The following OTOGL variants were observed in gnomAD, a reference collection of about 807,000 sequenced individuals.
OTOGL encodes otogelin like, also known as otogelin-like protein.
Under a neutral mutation model 318.5 loss-of-function variants are expected in OTOGL, and 285 were observed. The observed-to-expected ratio is 0.89, with a 90% CI of 0.81 to 0.99. The LOEUF is 0.99. OTOGL is among the 50% of genes least tolerant of loss of function. The pLI, the probability that OTOGL is intolerant of heterozygous loss-of-function variation, is 0.00. For synonymous variants in OTOGL, 987 were observed against 936.5 expected (o/e 1.05, Z -0.99); for missense variants, 2,899 against 2,845.6 (o/e 1.02, Z -0.43).
chr12:80,125,574 T>C (rs1208265647), intron 1 of OTOGL, among the ~76,000 whole-genome samples: 10 of 152,192 alleles, frequency 6.6e-5, no homozygotes, highest in Admixed American at 3.3e-4. Context: ...AGGAGGATTC[T>C]CTCTTTTTCT....
intron 44 of OTOGL, among the ~76,000 whole-genome samples, chr12:80,344,055 G>GTA (rs1453517220): frequency 6.6e-6 from 1 of 152,158 alleles, no homozygotes; most frequent in East Asian, 1.9e-4. Flanking sequence ...AAAGACGAAA[G>GTA]TATGAAGTCA....
chr12:80,144,523 C>T (rs1410212617), intron 1 of OTOGL, among the ~76,000 whole-genome samples: 1 of 149,212 alleles, frequency 6.7e-6, no homozygotes, highest in Non-Finnish European at 1.5e-5. Flanking sequence ...CATACGTGTG[C>T]ATGTGTCTTT....
chr12:80,222,281 T>C, intron 7 of OTOGL, 36 bp downstream of exon 7: 1 of 1,504,704 alleles, frequency 6.6e-7, no homozygotes, highest in Non-Finnish European at 9.0e-7. Flanking sequence ...CTTAAAAATA[T>C]TATCTCTGGA....
At chr12:80,144,197 C>A (rs1358869086) in intron 1 of OTOGL, among the ~76,000 whole-genome samples, 1 of 152,116 alleles carries the variant, frequency 6.6e-6, no homozygotes, top group Admixed American at 6.5e-5. Context: ...CCAATGCTAT[C>A]CCTTCCCACT....
intron 1 of OTOGL, among the ~76,000 whole-genome samples, chr12:80,114,482 GCA>G: frequency 6.6e-6 from 1 of 152,248 alleles, no homozygotes; most frequent in South Asian, 2.1e-4. Context: ...CAAGAGATCT[GCA>G]TTAGTCTGAT....
rs1470209564 is a variant in OTOGL, at chr12:80,278,101, A to G, written c.2682-67A>G. 12 of 1,228,952 alleles carry G rather than the reference A, an allele frequency of 9.8e-6. No homozygotes were observed. The South Asian group carries it at 1.4e-4, about 15-fold the overall frequency. The allele number at this position is 1,228,952 out of a possible 1,614,324, so 76.1% of individuals were successfully genotyped here. On this transcript the variant is annotated intron_variant, in intron 24 of 58. Coordinates refer to ENST00000547103, the MANE Select transcript of OTOGL (RefSeq NM_001378609.3). The stretch of plus-strand genomic sequence containing the variant: ...TAGATGACAGTGTTAATATGCTAAG[A>G]TTACTGATATTTTAAAACTGAAAAC...
intron 26 of OTOGL, among the ~76,000 whole-genome samples, chr12:80,290,804 T>C (rs1288389612): frequency 1.3e-5 from 2 of 152,204 alleles, no homozygotes; most frequent in Non-Finnish European, 2.9e-5. Context: ...AATAAAACAA[T>C]TTTAGGGGCC....
Position 80,352,365 on chromosome 12 carries a change from C to T in OTOGL, c.5336C>T (p.Ala1779Val). 1 of 1,612,252 alleles carries T rather than the reference C, an allele frequency of 6.2e-7. No individual in the cohort carries two copies. Among genetic ancestry groups the T allele is most frequent in the Non-Finnish European group, 8.5e-7 (1 of 1,178,716 alleles). Residue 1779 changes from alanine (A) to valine (V), a missense_variant, in exon 45 of 59, where the codon GCA becomes GTA. Ala to Val is a moderately conservative substitution (Grantham distance 64). Around this residue, in one of 3 missense-constraint regions of OTOGL, gnomAD observed 2,607 missense variants for 2,524.9 expected, o/e 1.03. Coordinates refer to ENST00000547103, the MANE Select transcript of OTOGL (RefSeq NM_001378609.3). Reference protein sequence around the residue: ...YTYFWNYECDALSAYVALCNK... With the variant: ...YTYFWNYECDVLSAYVALCNK... ...TATTTTTGGAACTATGAATGTGATG[C>T]ACTTTCTGCATATGTGGCTCTGTGC... is the stretch of plus-strand genomic sequence containing the variant.
intron 18 of OTOGL, among the ~76,000 whole-genome samples, 169 bp from the exon 19 acceptor site, chr12:80,261,800 T>C (rs1882545943): frequency 6.6e-6 from 1 of 151,978 alleles, no homozygotes; most frequent in South Asian, 2.1e-4. Context: ...AAAATGTCAG[T>C]AATATGGAGC....
chr12:80,169,177 C>A (rs1874025075), intron 1 of OTOGL, among the ~76,000 whole-genome samples: 1 of 152,126 alleles, frequency 6.6e-6, no homozygotes, highest in African/African-American at 2.4e-5. Flanking sequence ...CAATTTGAAA[C>A]CTGTGAATAA....
Position 80,367,620 on chromosome 12 carries a change from A to G in OTOGL, c.6391A>G (p.Ile2131Val). The change falls in exon 54 of 59, where the codon ATA becomes GTA. Residue 2131 changes from isoleucine (I) to valine (V), a missense_variant. Physicochemically the swap from Ile to Val is conservative, Grantham distance 29 (BLOSUM62 3). Transcript: ENST00000547103. ...VSVLNPGQSMIKYLEEDFCYA... is the reference protein window; with the variant it reads ...VSVLNPGQSMVKYLEEDFCYA... ...AGTATTGAATCCTGGACAATCCATG[A>G]TAAAGTATTTGGAAGAAGACTTTTG... is the stretch of plus-strand genomic sequence containing the variant. 1 of 1,545,896 alleles carries G rather than the reference A, an allele frequency of 6.5e-7. No homozygotes were observed. The highest frequency in any genetic ancestry group is 8.8e-7 in the Non-Finnish European group (1 of 1,136,934).
chr12:80,370,663 C>T lies in OTOGL; in HGVS notation c.6709C>T (p.Pro2237Ser). 6.3e-7 allele frequency: 1 copy of T among 1,585,934 alleles called. No individual in the cohort carries two copies. Among genetic ancestry groups the T allele is most frequent in the Non-Finnish European group, 8.6e-7 (1 of 1,162,642 alleles). ...TCTGAACTACACAATGGTCTGTCCC[C>T]CTTTTAATGAGACTGAATGCAAAAT... ...IILNYTMVCP[P>S]FNETECKMNE... The change falls in exon 56 of 59, where the codon CCT (proline) becomes TCT (serine). Residue 2237 changes from proline to serine, a missense_variant. Transcript: ENST00000547103.
chr12:80,108,791 A>ATATATATGTGTATATATATGTG (rs1565863126), intron 1 of OTOGL, among the ~76,000 whole-genome samples: 61 of 122,518 alleles, frequency 5.0e-4, no homozygotes, highest in African/African-American at 1.6e-3. Context: ...ATATATGTAT[A>ATATATATGTGTATATATATGTG]TATATATATG....
At chr12:80,296,724 C>T in intron 26 of OTOGL, 103 bp from the exon 27 acceptor site, 1 of 913,430 alleles carries the variant, frequency 1.1e-6, no homozygotes, top group Non-Finnish European at 1.5e-6. Flanking sequence ...TTTTTCAGTT[C>T]TAATGCAATC....
chr12:80,148,354 T>G (rs1268749169), intron 1 of OTOGL, among the ~76,000 whole-genome samples: 1 of 149,402 alleles, frequency 6.7e-6, no homozygotes, highest in Admixed American at 6.7e-5. Flanking sequence ...TTGCAAATTC[T>G]TTTCTTTAAG....
chr12:80,257,564 A>G (rs1882166322), intron 17 of OTOGL, among the ~76,000 whole-genome samples: 1 of 152,058 alleles, frequency 6.6e-6, no homozygotes, highest in African/African-American at 2.4e-5. Context: ...ATGCTTGCAA[A>G]CTGAAAGTAT....
chr12:80,339,115 G>A lies in OTOGL; in HGVS notation c.4901G>A (p.Ser1634Asn), dbSNP rs373190274. ...DSIVVPLPFS[S>N]QELSIEDSGS... ...ATTGTTGTGCCTTTGCCCTTTTCAA[G>A]TCAGGAACTGTCCATAGAGGATTCT... The change falls in exon 43 of 59, where the codon AGT becomes AAT. Residue 1634 changes from serine (S) to asparagine (N), a missense_variant. Transcript: ENST00000547103. 2 of 1,611,384 alleles carry A rather than the reference G, an allele frequency of 1.2e-6. No individual in the cohort carries two copies. The highest frequency in any genetic ancestry group is 1.3e-5 in the African/African-American group (1 of 74,758).
At chr12:80,270,652 TG>T (rs1021321258) in intron 23 of OTOGL, among the ~76,000 whole-genome samples, 1 of 152,154 alleles carries the variant, frequency 6.6e-6, no homozygotes, top group African/African-American at 2.4e-5. Flanking sequence ...TTCTGGTTCC[TG>T]GGCTGCATTA....
intron 1 of OTOGL, among the ~76,000 whole-genome samples, chr12:80,168,144 A>T (rs975639005): frequency 6.6e-6 from 1 of 151,884 alleles, no homozygotes; most frequent in African/African-American, 2.4e-5. Context: ...TTTTGTAGAG[A>T]TGATGTTTTG....
Sources: allele counts gnomAD v4.1 joint callset (sites outside exome capture counted in the v4.1 genomes callset), GRCh38; gene constraint gnomAD v4.1.1; regional missense constraint gnomAD v4.1.1; transcripts MANE v1.5; gene names NCBI Gene and HGNC (gene_info 2026-07-23, HGNC 2026-07-21).